Variants in GPC6 observed in about 807,000 individuals in gnomAD.
GPC6 encodes the protein glypican 6, also known as glypican-6.
A neutral mutation model predicts 55.2 loss-of-function variants in GPC6; 14 were observed. The observed-to-expected ratio is 0.25, with a 90% confidence interval of 0.17 to 0.40. GPC6 has a LOEUF of 0.40. GPC6 is among the 10% of genes least tolerant of loss of function. The pLI is 1.00. For missense variants in GPC6, 641 were observed against 708.5 expected (o/e 0.90, Z 1.08); for synonymous variants, 278 against 259.6 (o/e 1.07, Z -0.68).
intron 2 of GPC6, among the ~76,000 whole-genome samples, chr13:93,780,630 C>CACAA (rs1491534589): frequency 2.1e-5 from 3 of 141,794 alleles, no homozygotes; most frequent in East Asian, 2.1e-4. Flanking sequence ...CACACACACA[C>CACAA]AAAATAAAAT....
At chr13:94,266,324 ACT>A (rs1891809986) in intron 4 of GPC6, among the ~76,000 whole-genome samples, 1 of 151,604 alleles carries the variant, frequency 6.6e-6, no homozygotes, top group Non-Finnish European at 1.5e-5. Context: ...GCCCGCCACC[ACT>A]TCTGGCTAAT....
intron 2 of GPC6, among the ~76,000 whole-genome samples, chr13:93,606,709 T>C (rs1878251962): frequency 6.6e-6 from 1 of 152,224 alleles, no homozygotes; most frequent in African/African-American, 2.4e-5. Context: ...GATAGGAAGA[T>C]CAACTAGATG....
At chr13:94,255,339 G>A (rs1479115590) in intron 4 of GPC6, among the ~76,000 whole-genome samples, 10 of 152,052 alleles carry the variant, frequency 6.6e-5, no homozygotes, top group African/African-American at 1.2e-4. Flanking sequence ...TAAAAATACC[G>A]ACCTCTTTTA....
chr13:94,309,534 T>C (rs1236147920), intron 6 of GPC6, among the ~76,000 whole-genome samples: 1 of 138,702 alleles, frequency 7.2e-6, no homozygotes, highest in Non-Finnish European at 1.5e-5. Context: ...TATAAGGAAC[T>C]TATAAATTCT....
At chr13:93,663,115 A>T (rs975854898) in intron 2 of GPC6, among the ~76,000 whole-genome samples, 1 of 143,554 alleles carries the variant, frequency 7.0e-6, no homozygotes, top group African/African-American at 2.7e-5. Flanking sequence ...AAAAAAAAAA[A>T]TCTCAATTTT....
At position 94,382,664 on chromosome 13, in the gene GPC6, G is replaced by A. The variant is rs1291085020; in HGVS notation, c.1289+114G>A. The A allele has an allele frequency of 3.6e-6, 5 of 1,385,652 alleles. No homozygotes were observed. In the African/African-American group the frequency reaches 7.1e-5, roughly 20 times the overall value. The allele number at this position is 1,385,652 out of a possible 1,614,324, so 85.8% of individuals were successfully genotyped here. A position where few individuals can be genotyped will look rare whatever the true frequency, so the allele number is the denominator to read the frequency against. Reference sequence around the variant, plus strand: ...TGCAAAAAGCAACAGAGGGTGGAGGGACAAGTCATCACTTAGCAACAGCTG... The same window carrying A: ...TGCAAAAAGCAACAGAGGGTGGAGGAACAAGTCATCACTTAGCAACAGCTG... On this transcript the variant is annotated intron_variant, in intron 7 of 8. Transcript: ENST00000377047.
intron 4 of GPC6, among the ~76,000 whole-genome samples, chr13:94,246,201 A>T (rs1891191901): frequency 6.6e-6 from 1 of 152,116 alleles, no homozygotes; most frequent in African/African-American, 2.4e-5. Flanking sequence ...ATATTTTTCC[A>T]TGGAGTTTAT....
At chr13:93,799,023 T>G (rs1251316813) in intron 2 of GPC6, among the ~76,000 whole-genome samples, 1 of 152,044 alleles carries the variant, frequency 6.6e-6, no homozygotes, top group Non-Finnish European at 1.5e-5. Flanking sequence ...TAGTAATATG[T>G]CTTAAGATAA....
chr13:93,890,858 G>T (rs866112775), intron 3 of GPC6, among the ~76,000 whole-genome samples: 23 of 151,280 alleles, frequency 1.5e-4, no homozygotes, highest in African/African-American at 4.6e-4. Flanking sequence ...TGAGTGCTAA[G>T]ATATATTTGC....
intron 4 of GPC6, among the ~76,000 whole-genome samples, chr13:94,135,004 A>G (rs1012356850): frequency 6.6e-6 from 1 of 152,182 alleles, no homozygotes; most frequent in African/African-American, 2.4e-5. Context: ...TGGCACTAAC[A>G]CATGTGACCT....
At chr13:93,703,930 G>A (rs1227317842) in intron 2 of GPC6, among the ~76,000 whole-genome samples, 1 of 151,942 alleles carries the variant, frequency 6.6e-6, no homozygotes, top group Non-Finnish European at 1.5e-5. Flanking sequence ...TGGCATGAGA[G>A]CTGGCTTTGT....
chr13:93,593,706 T>C (rs74607573), intron 2 of GPC6, among the ~76,000 whole-genome samples: 6,465 of 152,224 alleles, frequency 0.042, 455 homozygotes, highest in African/African-American at 0.15. Context: ...ATTATACTTA[T>C]TGAAATTTAT....
chr13:93,707,414 A>G (rs1017738777), intron 2 of GPC6, among the ~76,000 whole-genome samples: 1 of 151,802 alleles, frequency 6.6e-6, no homozygotes, highest in Non-Finnish European at 1.5e-5. Context: ...TTTGAGTGTT[A>G]TGGACTTAGT....
intron 1 of GPC6, among the ~76,000 whole-genome samples, chr13:93,342,205 A>G (rs9561320): frequency 0.15 from 22,098 of 152,078 alleles, 1,857 homozygotes; most frequent in East Asian, 0.42. Context: ...GTTCTTAGGG[A>G]CACAGGGTTA....
chr13:94,396,210 C>T (rs1003217378), intron 7 of GPC6, among the ~76,000 whole-genome samples: 1 of 152,186 alleles, frequency 6.6e-6, no homozygotes, highest in East Asian at 1.9e-4. Flanking sequence ...TTATAAATAG[C>T]GTCTTCTTTA....
upstream of GPC6, among the ~76,000 whole-genome samples, chr13:93,224,197 CTT>C (rs34332669): frequency 0.2 from 26,482 of 133,520 alleles, 2,584 homozygotes; most frequent in Middle Eastern, 0.24. Flanking sequence ...CGCGCCCGGC[CTT>C]TTTTTTTTTT....
intron 3 of GPC6, among the ~76,000 whole-genome samples, chr13:93,933,854 A>G (rs1332915264): frequency 1.3e-5 from 2 of 152,196 alleles, no homozygotes; most frequent in African/African-American, 4.8e-5. Context: ...GCAGAATTTT[A>G]ATGCCAGCTA....
rs74109180 is a variant in GPC6 at position 93,994,687 on chromosome 13, T to C, written c.712-33042T>C. ...CTGTAAGGCTGACTCTAGTGTTCTC[T>C]ATTGCTTGTCTTTGAGTTTAAAGAA... On this transcript the variant is annotated intron_variant, in intron 3 of 8. Coordinates refer to ENST00000377047, the MANE Select transcript of GPC6 (RefSeq NM_005708.5). Among the ~76,000 whole-genome samples, 725 of 152,324 alleles carry C rather than the reference T, an allele frequency of 4.8e-3. 7 individuals carry two copies. Among genetic ancestry groups the C allele is most frequent in the African/African-American group, 0.015 (622 of 41,582 alleles).
chr13:93,983,492 A>G (rs964957068), intron 3 of GPC6, among the ~76,000 whole-genome samples: 3 of 151,800 alleles, frequency 2.0e-5, no homozygotes, highest in African/African-American at 7.3e-5. Context: ...CTGGAGTGCA[A>G]TGGTGCTGTC....
Sources: gnomAD v4.1 joint callset for allele counts (sites outside exome capture counted in the v4.1 genomes callset) on GRCh38, gnomAD v4.1.1 for gene constraint, MANE v1.5 for transcripts, NCBI Gene and HGNC (gene_info 2026-07-23, HGNC 2026-07-21) for gene names.